The following NUP93 variants were observed in gnomAD, a reference collection of about 807,000 sequenced individuals.
NUP93 encodes the protein nucleoporin 93, also known as nuclear pore complex protein Nup93.
NUP93 carries 55 observed loss-of-function variants against 107.8 expected under a neutral mutation model. The observed-to-expected ratio is 0.51, with a 90% CI of 0.41 to 0.64. The LOEUF (loss-of-function observed/expected upper bound fraction) is 0.64. Ranked by LOEUF, NUP93 falls within the 30% of genes least tolerant of loss-of-function variation. The probability of loss-of-function intolerance (pLI) is 0.00; values close to 1 mark genes in which losing one functional copy is unlikely to be tolerated. For synonymous variants in NUP93, 390 were observed against 397.5 expected (o/e 0.98, Z 0.22); for missense variants, 937 against 1,044.7 (o/e 0.90, Z 1.42).
At chr16:56,837,774 T>G (rs1262998682) in intron 18 of NUP93, 48 bp downstream of exon 18, 2 of 1,442,322 alleles carry the variant, frequency 1.4e-6, no homozygotes, top group East Asian at 2.3e-5. Flanking sequence ...CCACTGCCAG[T>G]GCCAGGCCAC....
At chr16:56,746,997 A>ATT (rs1261707762) in intron 1 of NUP93, among the ~76,000 whole-genome samples, 9 of 143,566 alleles carry the variant, frequency 6.3e-5, no homozygotes, top group African/African-American at 1.5e-4. Flanking sequence ...TAGCAATGTA[A>ATT]TTTTTTTTTT....
chr16:56,775,101 A>G (rs970699542), intron 3 of NUP93, among the ~76,000 whole-genome samples: 20 of 151,990 alleles, frequency 1.3e-4, no homozygotes, highest in African/African-American at 4.4e-4. Flanking sequence ...GGGTTTCACC[A>G]TGTTGCCCAG....
At chr16:56,844,376 A>T in intron 21 of NUP93, 123 bp from the exon 22 acceptor site, 1 of 455,670 alleles carries the variant, frequency 2.2e-6, no homozygotes, top group Admixed American at 4.3e-5. Flanking sequence ...CCCATCAGGG[A>T]TCTGTCCCTG....
At chr16:56,793,792 T>C (rs1468928164) in intron 3 of NUP93, among the ~76,000 whole-genome samples, 5 of 152,172 alleles carry the variant, frequency 3.3e-5, no homozygotes, top group Non-Finnish European at 5.9e-5. Context: ...TTCTGATGTA[T>C]AAATTACTAT....
At chr16:56,739,737 C>T (rs1961683312) in intron 1 of NUP93, among the ~76,000 whole-genome samples, 2 of 130,116 alleles carry the variant, frequency 1.5e-5, no homozygotes, top group African/African-American at 3.0e-5. Flanking sequence ...CCCCCCACCT[C>T]CCTCCCGGAC....
At chr16:56,768,603 C>A (rs530949291) in intron 3 of NUP93, among the ~76,000 whole-genome samples, 5 of 151,024 alleles carry the variant, frequency 3.3e-5, no homozygotes, top group Non-Finnish European at 5.9e-5. Context: ...TGTGGTGGCT[C>A]ACGCCTGTAA....
At chr16:56,771,257 C>T (rs980109904) in intron 3 of NUP93, among the ~76,000 whole-genome samples, 5 of 152,170 alleles carry the variant, frequency 3.3e-5, no homozygotes, top group African/African-American at 1.2e-4. Flanking sequence ...TTCCACACTG[C>T]AGTGTATGAG....
chr16:56,845,150 A>C lies in NUP93; in HGVS notation c.*541A>C. 5.5e-6 allele frequency: 1 copy of C among 183,148 alleles called. No homozygotes were observed. 11.3% of individuals were successfully genotyped at this position (183,148 alleles called of 1,614,324 possible). A position where few individuals can be genotyped will look rare whatever the true frequency, so the allele number is the denominator to read the frequency against. The stretch of plus-strand genomic sequence containing the variant: ...CAGATGGTCCAAGACCATCCCCCAA[A>C]TCATCAGCTCTGATTGCAGGATTCA... On this transcript the variant is annotated 3_prime_UTR_variant, in exon 22 of 22. Transcript: ENST00000308159.
At chr16:56,769,550 C>T (rs1465365019) in intron 3 of NUP93, among the ~76,000 whole-genome samples, 1 of 152,130 alleles carries the variant, frequency 6.6e-6, no homozygotes, top group Non-Finnish European at 1.5e-5. Flanking sequence ...AATTTACTGT[C>T]TAAAGCTCAG....
intron 19 of NUP93, 21 bp from the exon 20 acceptor site, chr16:56,839,500 G>A (rs1292085651): frequency 2.5e-6 from 4 of 1,589,560 alleles, no homozygotes; most frequent in Non-Finnish European, 3.4e-6. Context: ...GTTACATGGG[G>A]CCGGTGGTTG....
chr16:56,783,986 G>C (rs1393167582), intron 3 of NUP93: 24 of 681,010 alleles, frequency 3.5e-5, no homozygotes, highest in South Asian at 1.3e-4. Context: ...TAACGCAGAG[G>C]TTCTGCGTTA....
chr16:56,764,648 T>C (rs1407064007), intron 3 of NUP93, among the ~76,000 whole-genome samples: 1 of 152,214 alleles, frequency 6.6e-6, no homozygotes, highest in Non-Finnish European at 1.5e-5. Flanking sequence ...AATTGGATGT[T>C]TGTAGTACTG....
chr16:56,808,771 TATAA>T (rs1963244848), intron 5 of NUP93, among the ~76,000 whole-genome samples: 2 of 143,860 alleles, frequency 1.4e-5, no homozygotes, highest in South Asian at 2.1e-4. Context: ...AATACATATA[TATAA>T]ATACATATAT....
At position 56,766,006 on chromosome 16, in the gene NUP93, G is replaced by A. The variant is rs183885959; in HGVS notation, c.297+7351G>A. Among the ~76,000 whole-genome samples the A allele has an allele frequency of 2.7e-4, 34 of 125,372 alleles. No homozygotes were observed. The South Asian group carries it at 6.4e-3, about 24-fold the overall frequency. 82.2% of individuals were successfully genotyped at this position (125,372 alleles called of 152,430 possible). A position where few individuals can be genotyped will look rare whatever the true frequency, so the allele number is the denominator to read the frequency against. On this transcript the variant is annotated intron_variant, in intron 3 of 21. Transcript: ENST00000308159. ...GGTAACTTTGGAATAAAAATGGGTC[G>A]GGGAAAATGTGAAAAACTGCTTTTA... is the stretch of plus-strand genomic sequence containing the variant.
chr16:56,777,864 A>T (rs1207036292), intron 3 of NUP93, among the ~76,000 whole-genome samples: 1 of 152,222 alleles, frequency 6.6e-6, no homozygotes, highest in African/African-American at 2.4e-5. Flanking sequence ...AAGAACAAGC[A>T]AAAGTAATAT....
At chr16:56,801,558 G>A (rs568008242) in intron 4 of NUP93, among the ~76,000 whole-genome samples, 147 of 152,204 alleles carry the variant, frequency 9.7e-4, no homozygotes, top group African/African-American at 3.5e-3. Context: ...GATTACAGGC[G>A]TCTGCCACCA....
At chr16:56,800,610 C>A (rs1488304774) in intron 4 of NUP93, among the ~76,000 whole-genome samples, 1 of 152,194 alleles carries the variant, frequency 6.6e-6, no homozygotes, top group Non-Finnish European at 1.5e-5. Context: ...AGGAAACTGC[C>A]ACTGAGCAAG....
At chr16:56,802,728 G>C (rs1352096624) in intron 4 of NUP93, among the ~76,000 whole-genome samples, 1 of 152,162 alleles carries the variant, frequency 6.6e-6, no homozygotes, top group Non-Finnish European at 1.5e-5. Context: ...AATATTATCA[G>C]TATAAATTAT....
intron 21 of NUP93, 22 bp from the exon 22 acceptor site, chr16:56,844,477 C>T (rs868865734): frequency 7.3e-7 from 1 of 1,367,224 alleles, no homozygotes; most frequent in Non-Finnish European, 9.7e-7. Context: ...GATTTCCTTC[C>T]CTTCCTTCCC....
Sources: gnomAD v4.1 joint callset for allele counts (sites outside exome capture counted in the v4.1 genomes callset) on GRCh38, gnomAD v4.1.1 for gene constraint, MANE v1.5 for transcripts, NCBI Gene and HGNC (gene_info 2026-07-23, HGNC 2026-07-21) for gene names.